HS2ST1: variants seen among roughly 807,000 people sequenced by gnomAD.
The protein encoded by HS2ST1 is 2-O-sulfotransferase.
In HS2ST1, 18 loss-of-function variants were observed where a neutral mutation model predicts 42.9. That is an observed-to-expected ratio of 0.42 (90% CI 0.29 to 0.62). The LOEUF (loss-of-function observed/expected upper bound fraction) is 0.62, where lower values mean the gene tolerates loss of function less well. Among genes scored for constraint, HS2ST1 ranks in the 20% least tolerant of loss-of-function variants. HS2ST1 has a pLI of 0.21. For missense variants in HS2ST1, 334 were observed against 433.8 expected (o/e 0.77, Z 2.04); for synonymous variants, 146 against 152.9 (o/e 0.95, Z 0.33).
chr1:86,961,411 A>G lies in HS2ST1; in HGVS notation c.124+46251A>G, dbSNP rs141731275. Among the ~76,000 whole-genome samples, 464 of 152,276 alleles carry G rather than the reference A, an allele frequency of 3.0e-3. 2 individuals are homozygous for G. The highest frequency in any genetic ancestry group is 6.8e-3 in the Middle Eastern group (2 of 294). On this transcript the variant is annotated intron_variant, in intron 1 of 6. Coordinates refer to ENST00000370550, the MANE Select transcript of HS2ST1 (RefSeq NM_012262.4). ...GAATATATTGTTGATAAAACAAGAA[A>G]AGCTAAGAAATGATTACCGGAAGGA...
intron 1 of HS2ST1, among the ~76,000 whole-genome samples, chr1:86,975,746 G>A (rs1044467724): frequency 1.3e-5 from 2 of 152,062 alleles, no homozygotes; most frequent in Non-Finnish European, 2.9e-5. Context: ...GTAACTGATG[G>A]CATTTAGTAA....
At chr1:86,921,492 TCC>T (rs764766834) in intron 1 of HS2ST1, among the ~76,000 whole-genome samples, 111 of 152,232 alleles carry the variant, frequency 7.3e-4, no homozygotes, top group Non-Finnish European at 1.1e-3. Context: ...AAACTTAATC[TCC>T]GATGCAACAG....
rs377733632 is a variant in HS2ST1 at position 86,923,023 on chromosome 1, T to TTG, written c.124+7877_124+7878dup. On this transcript the variant is annotated intron_variant, in intron 1 of 6. Transcript: ENST00000370550. ...GTTCTATTCATCATTCTCAGTCTTTTTGTGTGTGTGTGTGTTGTTTTAGAT... is the reference window on the plus strand; with the variant it reads ...GTTCTATTCATCATTCTCAGTCTTTTTGTGTGTGTGTGTGTGTTGTTTTAGAT... 4.8e-3 allele frequency among the ~76,000 whole-genome samples: 734 copies of TTG among 151,602 alleles called. 3 individuals are homozygous for TTG. Among genetic ancestry groups the TTG allele is most frequent in the Middle Eastern group, 0.02 (6 of 294 alleles).
intron 1 of HS2ST1, among the ~76,000 whole-genome samples, chr1:86,991,111 G>T (rs1557507144): frequency 6.6e-6 from 1 of 151,696 alleles, no homozygotes; most frequent in African/African-American, 2.4e-5. Context: ...TCTGGTTGTT[G>T]TGAGAGAGGA....
At chr1:86,977,887 G>A (rs1648468205) in intron 1 of HS2ST1, among the ~76,000 whole-genome samples, 1 of 152,210 alleles carries the variant, frequency 6.6e-6, no homozygotes, top group Admixed American at 6.5e-5. Flanking sequence ...CATTGATTTT[G>A]TGGTTTCAGT....
At chr1:87,089,194 A>G (rs992336545) in intron 3 of HS2ST1, among the ~76,000 whole-genome samples, 2 of 152,012 alleles carry the variant, frequency 1.3e-5, no homozygotes, top group African/African-American at 4.8e-5. Flanking sequence ...TTGATAGGCT[A>G]TTGATAGAAT....
chr1:87,079,696 G>A (rs1031607186), intron 2 of HS2ST1, among the ~76,000 whole-genome samples: 1 of 152,062 alleles, frequency 6.6e-6, no homozygotes, highest in Non-Finnish European at 1.5e-5. Flanking sequence ...CCTTTAGTAT[G>A]CTTTTAGTTT....
intron 1 of HS2ST1, chr1:87,045,569 C>T (rs1016317501): frequency 1.3e-6 from 1 of 793,090 alleles, no homozygotes; most frequent in Non-Finnish European, 2.3e-6. Flanking sequence ...GCACAAGAAA[C>T]TTCTTTCTTG....
chr1:86,976,704 G>GTATATATATATATATATATATCTATATA (rs147039703), intron 1 of HS2ST1, among the ~76,000 whole-genome samples: 3 of 79,660 alleles, frequency 3.8e-5, no homozygotes, highest in Non-Finnish European at 5.4e-5. Context: ...TTATAAAATT[G>GTATATATATATATATATATATCTATATA]TATATATATA....
intron 1 of HS2ST1, among the ~76,000 whole-genome samples, chr1:86,960,119 G>T (rs552671888): frequency 8.4e-4 from 126 of 150,130 alleles, no homozygotes; most frequent in Non-Finnish European, 1.3e-3. Context: ...GGTAGACCAC[G>T]AATATAGTAA....
intron 1 of HS2ST1, among the ~76,000 whole-genome samples, chr1:87,053,304 A>G (rs566719231): frequency 6.6e-6 from 1 of 152,320 alleles, no homozygotes; most frequent in South Asian, 2.1e-4. Flanking sequence ...TTGGTATGAT[A>G]TTTCAACAAT....
At chr1:86,978,189 G>T (rs1033820616) in intron 1 of HS2ST1, among the ~76,000 whole-genome samples, 1 of 152,142 alleles carries the variant, frequency 6.6e-6, no homozygotes, top group African/African-American at 2.4e-5. Flanking sequence ...TTCGCACAAT[G>T]ATGAAATCAC....
chr1:87,080,655 A>G (rs1367637605), intron 2 of HS2ST1, among the ~76,000 whole-genome samples: 2 of 152,198 alleles, frequency 1.3e-5, no homozygotes, highest in African/African-American at 2.4e-5. Context: ...ATATTAAGGA[A>G]AGAGGCACTG....
intron 1 of HS2ST1, among the ~76,000 whole-genome samples, chr1:86,945,324 G>A (rs1297756281): frequency 1.3e-5 from 2 of 152,130 alleles, no homozygotes; most frequent in African/African-American, 4.8e-5. Context: ...AAAGATCATC[G>A]AAATGAGTTT....
intron 1 of HS2ST1, among the ~76,000 whole-genome samples, chr1:86,985,261 A>G (rs1648723461): frequency 6.7e-6 from 1 of 148,658 alleles, no homozygotes; most frequent in African/African-American, 2.5e-5. Context: ...AGGCTGAGGC[A>G]GGAGAATGGC....
intron 1 of HS2ST1, among the ~76,000 whole-genome samples, chr1:87,032,380 C>G (rs543603929): frequency 5.4e-4 from 82 of 152,174 alleles, no homozygotes; most frequent in African/African-American, 1.9e-3. Context: ...TCTTTCCCAG[C>G]CTTGTATAAC....
intron 1 of HS2ST1, among the ~76,000 whole-genome samples, chr1:86,918,227 C>G (rs1660206986): frequency 6.6e-6 from 1 of 151,836 alleles, no homozygotes; most frequent in African/African-American, 2.4e-5. Flanking sequence ...AAAAAAAATT[C>G]AGTAATACAG....
intron 2 of HS2ST1, among the ~76,000 whole-genome samples, chr1:87,080,462 T>C (rs1651656421): frequency 6.6e-6 from 1 of 152,166 alleles, no homozygotes; most frequent in Non-Finnish European, 1.5e-5. Flanking sequence ...GTTGAGATTT[T>C]CAGTGTCCAA....
chr1:87,058,976 G>A (rs1007426208), intron 1 of HS2ST1, among the ~76,000 whole-genome samples: 7 of 151,932 alleles, frequency 4.6e-5, no homozygotes, highest in East Asian at 3.9e-4. Context: ...GGAGAATGGC[G>A]TGAACCCAGG....
Sources: gnomAD v4.1 joint callset for allele counts (sites outside exome capture counted in the v4.1 genomes callset) on GRCh38, gnomAD v4.1.1 for gene constraint, MANE v1.5 for transcripts, NCBI Gene and HGNC (gene_info 2026-07-23, HGNC 2026-07-21) for gene names.